The following AKT2 variants were observed in gnomAD, a reference collection of about 807,000 sequenced individuals.
The protein encoded by AKT2 is AKT serine/threonine kinase 2.
In AKT2, 16 loss-of-function variants were observed where a neutral mutation model predicts 58.6. The ratio of observed to expected loss-of-function variants is 0.27; its 90% CI spans 0.18 to 0.41. The LOEUF (loss-of-function observed/expected upper bound fraction) is 0.41, where lower values mean the gene tolerates loss of function less well. Ranked by LOEUF, AKT2 falls within the 10% of genes least tolerant of loss-of-function variation. The probability of loss-of-function intolerance (pLI) is 1.00; values close to 1 mark genes in which losing one functional copy is unlikely to be tolerated. For missense variants in AKT2, 438 were observed against 661.0 expected (o/e 0.66, Z 3.70); for synonymous variants, 253 against 254.0 (o/e 1.00, Z 0.04).
At chr19:40,256,852 G>C (rs903546247) in intron 3 of AKT2, 74 bp downstream of exon 3, 2 of 1,605,838 alleles carry the variant, frequency 1.2e-6, no homozygotes. Flanking sequence ...CAATGACCAA[G>C]TCCCACAAGC....
At chr19:40,265,797 T>C (rs1976307450) in intron 1 of AKT2, among the ~76,000 whole-genome samples, 1 of 151,920 alleles carries the variant, frequency 6.6e-6, no homozygotes, top group Non-Finnish European at 1.5e-5. Context: ...TCCACCATCT[T>C]ACACACACAC....
rs371347299 is a variant in AKT2, at chr19:40,235,362, C to T, written c.1176-12G>A. 4.6e-5 allele frequency: 75 copies of T among 1,613,462 alleles called. No individual in the cohort carries two copies. The African/African-American group carries it at 5.7e-4, about 12-fold the overall frequency. ...GCCCCCCACCAAGCCTGTGCAGAGA[C>T]GGCCGTCAGCACCTGCCTCCCGGAG... On this transcript the variant is annotated splice_polypyrimidine_tract_variant and intron_variant, in intron 11 of 13. Coordinates refer to ENST00000392038, the MANE Select transcript of AKT2 (RefSeq NM_001626.6). This position sits in a 1 kb window ranked among gnomAD's most constrained non-coding sequence, Gnocchi z 6.3.
chr19:40,269,755 G>C (rs749224667), intron 1 of AKT2, among the ~76,000 whole-genome samples: 2 of 152,108 alleles, frequency 1.3e-5, no homozygotes, highest in Non-Finnish European at 2.9e-5. Flanking sequence ...ACTCAGCAAC[G>C]AAAAGGACTA....
intron 2 of AKT2, among the ~76,000 whole-genome samples, chr19:40,257,536 CTCTT>C (rs1975623644): frequency 6.6e-6 from 1 of 151,996 alleles, no homozygotes; most frequent in Non-Finnish European, 1.5e-5. Flanking sequence ...CGCCCCTTGA[CTCTT>C]TCCAACTGTT....
In AKT2 at chr19:40,238,840, CT is replaced by C. The variant is rs1281369450; in HGVS notation, c.708+64del. 4 of 1,542,872 alleles carry C rather than the reference CT, an allele frequency of 2.6e-6. No homozygotes were observed. Among genetic ancestry groups the C allele is most frequent in the Non-Finnish European group, 3.6e-6 (4 of 1,115,780 alleles). ...CCCTTCCATCTCACCCACAGCTCCTCTCCATCCCGCCCCACCCTAAAGAAGG... is the reference window on the plus strand; with the variant it reads ...CCCTTCCATCTCACCCACAGCTCCTCCCATCCCGCCCCACCCTAAAGAAGG... On this transcript the variant is annotated intron_variant, in intron 8 of 13. Coordinates refer to ENST00000392038, the MANE Select transcript of AKT2 (RefSeq NM_001626.6). This position sits in a 1 kb window ranked among gnomAD's most constrained non-coding sequence, Gnocchi z 5.1.
chr19:40,242,517 C>A lies in AKT2; in HGVS notation c.441+17G>T. ...GCACCGCAGGCTGGCAGCCCCACCC[C>A]TGCTCCCAGCACTTACCACTTTAGC... On this transcript the variant is annotated intron_variant, in intron 5 of 13. Transcript: ENST00000392038. The surrounding 1 kb of genome is among the most constrained non-coding windows in gnomAD (Gnocchi z 4.3). 6.2e-7 allele frequency: 1 copy of A among 1,613,286 alleles called. No homozygotes were observed. Among genetic ancestry groups the A allele is most frequent in the Middle Eastern group, 1.6e-4 (1 of 6,062 alleles).
intron 2 of AKT2, among the ~76,000 whole-genome samples, chr19:40,258,122 T>C (rs1371961505): frequency 1.3e-5 from 2 of 151,430 alleles, no homozygotes; most frequent in African/African-American, 2.4e-5. Context: ...GGTGCATGCC[T>C]ATAATCCCAC....
chr19:40,263,040 C>T lies in AKT2; in HGVS notation c.46+2182G>A, dbSNP rs889830968. Among the ~76,000 whole-genome samples the T allele has an allele frequency of 6.6e-5, 10 of 152,306 alleles. No individual in the cohort carries two copies. In the East Asian group the frequency reaches 1.9e-3, roughly 29 times the overall value. On this transcript the variant is annotated intron_variant, in intron 2 of 13. Transcript: ENST00000392038. The stretch of plus-strand genomic sequence containing the variant: ...TGAGACAGGTGTGTCAGAGCTAGGC[C>T]ATCCCAGATGACAGAGGCAGGCCTG...
At chr19:40,260,151 C>CA (rs1035935717) in intron 2 of AKT2, among the ~76,000 whole-genome samples, 3 of 148,694 alleles carry the variant, frequency 2.0e-5, no homozygotes, top group Admixed American at 6.7e-5. Flanking sequence ...GACTCTGTCT[C>CA]AAAAAAACAA....
intron 1 of AKT2, among the ~76,000 whole-genome samples, chr19:40,283,889 T>C (rs1423754146): frequency 3.3e-5 from 5 of 152,160 alleles, no homozygotes; most frequent in African/African-American, 9.6e-5. Flanking sequence ...TGTTACTGCC[T>C]TGGTGGGGAG....
intron 4 of AKT2, among the ~76,000 whole-genome samples, chr19:40,254,215 A>G (rs1345937298): frequency 2.0e-5 from 3 of 152,302 alleles, no homozygotes; most frequent in South Asian, 4.1e-4. Context: ...CACCTGCCTC[A>G]AAATCAATAG....
chr19:40,258,264 CA>C (rs1157851432), intron 2 of AKT2, among the ~76,000 whole-genome samples: 11 of 105,342 alleles, frequency 1.0e-4, no homozygotes, highest in South Asian at 3.1e-4. Context: ...AAAAAAAAAA[CA>C]AAAAAAAAAA....
chr19:40,259,081 G>A (rs1180027965), intron 2 of AKT2, among the ~76,000 whole-genome samples: 1 of 152,080 alleles, frequency 6.6e-6, no homozygotes, highest in Non-Finnish European at 1.5e-5. Flanking sequence ...AGAATTCAGA[G>A]CCAAAAAATA....
At chr19:40,279,597 G>C (rs2077386782) in intron 1 of AKT2, 1 of 151,430 alleles carries the variant, frequency 6.6e-6, no homozygotes, top group African/African-American at 2.4e-5. Flanking sequence ...GGAGACCCTA[G>C]TGGTTTGTTC....
chr19:40,233,637 C>A lies in AKT2; in HGVS notation c.*235G>T, dbSNP rs772124752. ...AACCGCCCAACAGCCCAGGCCTGGGCGGGAGGTGGAGTCTTCCAAATGCGA... is the reference window on the plus strand; with the variant it reads ...AACCGCCCAACAGCCCAGGCCTGGGAGGGAGGTGGAGTCTTCCAAATGCGA... On this transcript the variant is annotated 3_prime_UTR_variant, in exon 14 of 14. Coordinates refer to ENST00000392038, the MANE Select transcript of AKT2 (RefSeq NM_001626.6). This position sits in a 1 kb window ranked among gnomAD's most constrained non-coding sequence, Gnocchi z 4.3. 38 of 752,726 alleles carry A rather than the reference C, an allele frequency of 5.0e-5. No homozygotes were observed. Among genetic ancestry groups the A allele is most frequent in the East Asian group, 4.9e-4 (20 of 40,552 alleles). The allele number at this position is 752,726 out of a possible 1,614,324, so 46.6% of individuals were successfully genotyped here.
At chr19:40,257,877 A>T (rs1975652563) in intron 2 of AKT2, among the ~76,000 whole-genome samples, 1 of 152,232 alleles carries the variant, frequency 6.6e-6, no homozygotes, top group Admixed American at 6.5e-5. Context: ...GCTAAGTGAA[A>T]GAAGCCAGTC....
chr19:40,253,612 A>G (rs953132654), intron 4 of AKT2, among the ~76,000 whole-genome samples: 3 of 152,194 alleles, frequency 2.0e-5, no homozygotes, highest in African/African-American at 4.8e-5. Context: ...ACACAAGGCC[A>G]TGGGGGCACT....
intron 1 of AKT2, chr19:40,274,773 G>C (rs2077279513): frequency 3.0e-6 from 1 of 328,004 alleles, no homozygotes; most frequent in Non-Finnish European, 6.1e-6. Flanking sequence ...GGGTGAAGGG[G>C]AGGGCCGGGA....
At chr19:40,276,654 G>A (rs531915699) in intron 1 of AKT2, among the ~76,000 whole-genome samples, 8 of 150,648 alleles carry the variant, frequency 5.3e-5, no homozygotes, top group South Asian at 4.4e-4. Flanking sequence ...GTGAACCACC[G>A]TGCCCAGCCT....
Sources: gnomAD v4.1 joint callset for allele counts (sites outside exome capture counted in the v4.1 genomes callset) on GRCh38, gnomAD v4.1.1 for gene constraint, Gnocchi (gnomAD v3.1) non-coding constraint, MANE v1.5 for transcripts, NCBI Gene and HGNC (gene_info 2026-07-23, HGNC 2026-07-21) for gene names.